The following ARHGAP32 variants were observed in gnomAD, a reference collection of about 807,000 sequenced individuals.
ARHGAP32 encodes Rho GTPase activating protein 32.
In ARHGAP32, 51 loss-of-function variants were observed where a neutral mutation model predicts 186.5. The observed-to-expected ratio is 0.27, with a 90% confidence interval of 0.22 to 0.35. ARHGAP32 has a LOEUF of 0.35. Among genes scored for constraint, ARHGAP32 ranks in the 10% least tolerant of loss-of-function variants. The probability of loss-of-function intolerance (pLI) is 1.00; values close to 1 mark genes in which losing one functional copy is unlikely to be tolerated. For missense variants in ARHGAP32, 2,186 were observed against 2,623.5 expected (o/e 0.83, Z 3.64); for synonymous variants, 950 against 964.3 (o/e 0.99, Z 0.27).
chr11:128,991,195 A>T (rs930763408), intron 12 of ARHGAP32, among the ~76,000 whole-genome samples: 1 of 152,180 alleles, frequency 6.6e-6, no homozygotes, highest in African/African-American at 2.4e-5. Context: ...TTTCCTGATA[A>T]TATGTCCAAG....
chr11:129,010,393 C>T (rs1287741440), intron 11 of ARHGAP32, among the ~76,000 whole-genome samples: 1 of 151,890 alleles, frequency 6.6e-6, no homozygotes, highest in Non-Finnish European at 1.5e-5. Context: ...ATGGTATTGC[C>T]CAGGTTTTCT....
At chr11:128,973,540 T>C in intron 21 of ARHGAP32, 108 bp from the exon 22 acceptor site, 1 of 1,208,314 alleles carries the variant, frequency 8.3e-7, no homozygotes, top group Non-Finnish European at 1.2e-6. Flanking sequence ...GTGCCTTCCA[T>C]ATTTCAAAAT....
In ARHGAP32 at chr11:128,973,444, T is replaced by C; in HGVS notation, c.3074-12A>G. ...ATGGGTAACTGCTCCTAGTGGGAAA[T>C]TGGGAAAAAAAATGAGAGTGAAAAG... On this transcript the variant is annotated splice_polypyrimidine_tract_variant and intron_variant, in intron 21 of 22. Coordinates refer to ENST00000682385, the MANE Select transcript of ARHGAP32 (RefSeq NM_001378024.1). 1 of 1,606,380 alleles carries C rather than the reference T, an allele frequency of 6.2e-7. No homozygotes were observed. Among genetic ancestry groups the C allele is most frequent in the Non-Finnish European group, 8.5e-7 (1 of 1,176,222 alleles).
At chr11:129,042,211 C>A (rs1485383964) in intron 10 of ARHGAP32, among the ~76,000 whole-genome samples, 1 of 152,106 alleles carries the variant, frequency 6.6e-6, no homozygotes, top group East Asian at 1.9e-4. Context: ...AGTGCAGTGG[C>A]ACAATCTAGG....
chr11:129,203,885 G>C (rs1350948420), intron 1 of ARHGAP32, among the ~76,000 whole-genome samples: 1 of 149,100 alleles, frequency 6.7e-6, no homozygotes, highest in Non-Finnish European at 1.5e-5. Context: ...TCGACAGAGT[G>C]AGACCCCCAT....
chr11:129,161,166 A>C (rs1943522533), intron 2 of ARHGAP32, among the ~76,000 whole-genome samples: 1 of 152,208 alleles, frequency 6.6e-6, no homozygotes, highest in Admixed American at 6.5e-5. Flanking sequence ...AAATGAATTA[A>C]AGACTTAAAC....
intron 5 of ARHGAP32, among the ~76,000 whole-genome samples, chr11:129,096,600 T>G (rs1941735975): frequency 6.6e-6 from 1 of 150,900 alleles, no homozygotes; most frequent in Non-Finnish European, 1.5e-5. Context: ...AAACATACCT[T>G]ACAAGAGTCA....
intron 5 of ARHGAP32, among the ~76,000 whole-genome samples, chr11:129,109,188 T>C (rs1942134411): frequency 6.6e-6 from 1 of 152,158 alleles, no homozygotes; most frequent in Admixed American, 6.5e-5. Flanking sequence ...TCACTTCACA[T>C]GATGACCTTC....
At chr11:129,181,216 A>C (rs1408539565) in intron 1 of ARHGAP32, among the ~76,000 whole-genome samples, 2 of 152,142 alleles carry the variant, frequency 1.3e-5, no homozygotes, top group Non-Finnish European at 2.9e-5. Context: ...GCCAGTTACT[A>C]TCCACTGGTG....
chr11:129,236,851 C>T (rs567988915), intron 1 of ARHGAP32, among the ~76,000 whole-genome samples: 43 of 152,198 alleles, frequency 2.8e-4, no homozygotes, highest in South Asian at 1.0e-3. Flanking sequence ...ATGCTTTCAA[C>T]ATTTCCCCAT....
chr11:129,157,807 A>G (rs1192801383), intron 2 of ARHGAP32, among the ~76,000 whole-genome samples: 1 of 152,204 alleles, frequency 6.6e-6, no homozygotes, highest in African/African-American at 2.4e-5. Flanking sequence ...AATAAAGGAA[A>G]AAATGTTAAG....
intron 11 of ARHGAP32, among the ~76,000 whole-genome samples, chr11:129,027,646 T>C (rs1001919030): frequency 2.0e-5 from 3 of 152,292 alleles, no homozygotes; most frequent in East Asian, 1.9e-4. Context: ...TGTTCAAAAG[T>C]AGGTTTCTAA....
chr11:129,026,801 G>GA (rs71057920), intron 11 of ARHGAP32, among the ~76,000 whole-genome samples: 68,431 of 109,282 alleles, frequency 0.63, 22,020 homozygotes, highest in African/African-American at 0.78. Context: ...CTCCATCTTG[G>GA]AAAAAAAAAA....
At chr11:128,971,496 G>A (rs866535653) in intron 22 of ARHGAP32, 2 of 229,382 alleles carry the variant, frequency 8.7e-6, no homozygotes, top group Admixed American at 1.0e-4. Context: ...ATACATACCC[G>A]GTCTATTAGT....
In ARHGAP32 at chr11:129,064,831, T is replaced by C; in HGVS notation, c.762+10A>G. On this transcript the variant is annotated intron_variant, in intron 8 of 22. Coordinates refer to ENST00000682385, the MANE Select transcript of ARHGAP32 (RefSeq NM_001378024.1). The stretch of plus-strand genomic sequence containing the variant: ...TATACATTTTTCATGAAAAGTGAAT[T>C]AGGAAATACCTCCATCCAGGTAAGG... 1 of 1,568,138 alleles carries C rather than the reference T, an allele frequency of 6.4e-7. No individual in the cohort carries two copies. Among genetic ancestry groups the C allele is most frequent in the East Asian group, 2.4e-5 (1 of 42,500 alleles).
At chr11:129,225,324 C>T (rs1565473391) in intron 1 of ARHGAP32, among the ~76,000 whole-genome samples, 1 of 152,102 alleles carries the variant, frequency 6.6e-6, no homozygotes, top group Non-Finnish European at 1.5e-5. Flanking sequence ...GAACTGTGTA[C>T]ATGCTCAAAG....
At chr11:129,209,668 CA>C (rs35969101) in intron 1 of ARHGAP32, among the ~76,000 whole-genome samples, 93,185 of 144,706 alleles carry the variant, frequency 0.64, 29,474 homozygotes, top group Non-Finnish European at 0.7. Flanking sequence ...ACAAATTTTG[CA>C]AAAAAAAAAA....
At position 129,035,557 on chromosome 11, in the gene ARHGAP32, G is replaced by A. The variant is rs1480337318; in HGVS notation, c.1045+5371C>T. Among the ~76,000 whole-genome samples, 14 of 152,210 alleles carry A rather than the reference G, an allele frequency of 9.2e-5. No individual in the cohort carries two copies. In the South Asian group the frequency reaches 1.0e-3, roughly 11 times the overall value. On this transcript the variant is annotated intron_variant, in intron 11 of 22. Coordinates refer to ENST00000682385, the MANE Select transcript of ARHGAP32 (RefSeq NM_001378024.1). ...ATCCTTTTCAAAATGTATTAAGAATGTACATTTTGGCTGGGTACAGTGGCT... is the reference window on the plus strand; with the variant it reads ...ATCCTTTTCAAAATGTATTAAGAATATACATTTTGGCTGGGTACAGTGGCT...
At chr11:129,029,801 C>CAACA (rs1555075661) in intron 11 of ARHGAP32, among the ~76,000 whole-genome samples, 3 of 46,948 alleles carry the variant, frequency 6.4e-5, no homozygotes, top group Non-Finnish European at 9.8e-5. Flanking sequence ...GACTCCGTCT[C>CAACA]AAAAAAAAAA....
Sources: allele counts gnomAD v4.1 joint callset (sites outside exome capture counted in the v4.1 genomes callset), GRCh38; gene constraint gnomAD v4.1.1; transcripts MANE v1.5; gene names NCBI Gene and HGNC (gene_info 2026-07-23, HGNC 2026-07-21).